The following ITGAE variants were observed in gnomAD, a reference collection of about 807,000 sequenced individuals.
The protein encoded by ITGAE is integrin alpha-E.
Under a neutral mutation model 136.5 loss-of-function variants are expected in ITGAE, and 99 were observed. The ratio of observed to expected loss-of-function variants is 0.73; its 90% confidence interval spans 0.62 to 0.86. ITGAE has a LOEUF of 0.86. Ranked by LOEUF, ITGAE falls within the 40% of genes least tolerant of loss-of-function variation. The pLI is 0.00. For missense variants in ITGAE, 1,447 were observed against 1,515.3 expected (o/e 0.95, Z 0.75); for synonymous variants, 613 against 591.8 (o/e 1.04, Z -0.52).
At chr17:3,730,948 G>A (rs1055360185) in intron 23 of ITGAE, among the ~76,000 whole-genome samples, 156 bp downstream of exon 23, 1 of 152,156 alleles carries the variant, frequency 6.6e-6, no homozygotes, top group Non-Finnish European at 1.5e-5. Flanking sequence ...AGAGAAAGTC[G>A]AGTCCCTGCA....
intron 2 of ITGAE, 104 bp from the exon 3 acceptor site, chr17:3,764,064 CCCTGTCTGG>C (rs770467711): frequency 1.4e-4 from 104 of 744,346 alleles, no homozygotes; most frequent in Non-Finnish European, 1.9e-4. Context: ...CTCACAAGCT[CCCTGTCTGG>C]CCGGCAGATT....
At chr17:3,780,337 T>C (rs963691015) in intron 1 of ITGAE, among the ~76,000 whole-genome samples, 3 of 152,140 alleles carry the variant, frequency 2.0e-5, no homozygotes, top group African/African-American at 7.2e-5. Flanking sequence ...TAATTTTTTG[T>C]ATTTTTAGTA....
chr17:3,774,044 G>A (rs1290250520), intron 2 of ITGAE, among the ~76,000 whole-genome samples: 3 of 152,134 alleles, frequency 2.0e-5, no homozygotes, highest in Non-Finnish European at 4.4e-5. Context: ...AGTCTGCCTG[G>A]CTGTCAGGGT....
intron 24 of ITGAE, 71 bp from the exon 25 acceptor site, chr17:3,728,239 T>A (rs2051260505): frequency 8.4e-7 from 1 of 1,195,300 alleles, no homozygotes; most frequent in South Asian, 1.2e-5. Context: ...GGTCTCACTC[T>A]GTTGCCCAGG....
At chr17:3,726,133 G>A in intron 26 of ITGAE, 1 of 1,614,132 alleles carries the variant, frequency 6.2e-7, no homozygotes, top group Non-Finnish European at 8.5e-7. Flanking sequence ...AACAACCGCT[G>A]GGGTGAATAT....
At chr17:3,732,241 A>C (rs979410316) in intron 22 of ITGAE, 127 bp downstream of exon 22, 2 of 741,316 alleles carry the variant, frequency 2.7e-6, no homozygotes, top group East Asian at 2.5e-5. Flanking sequence ...CACTGTAAGC[A>C]CTGCTGGGGA....
intron 1 of ITGAE, among the ~76,000 whole-genome samples, chr17:3,786,857 T>TCCAG (rs2052810622): frequency 8.0e-6 from 1 of 124,366 alleles, no homozygotes; most frequent in Non-Finnish European, 1.6e-5. Context: ...GCCACTGCAC[T>TCCAG]CCAGCCTGGT....
chr17:3,767,185 C>T (rs1468039359), intron 2 of ITGAE, among the ~76,000 whole-genome samples: 1 of 152,108 alleles, frequency 6.6e-6, no homozygotes, highest in Admixed American at 6.6e-5. Context: ...CAACCTCCAC[C>T]TCCTGGGTTC....
intron 22 of ITGAE, among the ~76,000 whole-genome samples, chr17:3,731,406 A>C (rs1422722042): frequency 1.4e-5 from 2 of 141,666 alleles, no homozygotes; most frequent in African/African-American, 5.3e-5. Flanking sequence ...CAATGGTGTG[A>C]TCTCAGCTCA....
chr17:3,729,345 T>G (rs1368589897), intron 24 of ITGAE, 133 bp downstream of exon 24: 1 of 713,088 alleles, frequency 1.4e-6, no homozygotes, highest in Non-Finnish European at 2.6e-6. Context: ...AGAGCCTGGG[T>G]TCTAAGCAGG....
At chr17:3,731,423 C>A (rs2143010658) in intron 22 of ITGAE, among the ~76,000 whole-genome samples, 1 of 150,618 alleles carries the variant, frequency 6.6e-6, no homozygotes, top group Middle Eastern at 3.4e-3. Flanking sequence ...CTCACTGCAA[C>A]CTCTGCCTCC....
chr17:3,796,170 C>CATGTGTGTGTGTGT (rs2053095672), intron 1 of ITGAE, among the ~76,000 whole-genome samples: 2 of 126,932 alleles, frequency 1.6e-5, no homozygotes, highest in Non-Finnish European at 3.3e-5. Context: ...TGTGTGCATC[C>CATGTGTGTGTGTGT]GTGTGTGTGT....
intron 1 of ITGAE, among the ~76,000 whole-genome samples, chr17:3,791,287 C>T (rs1018156861): frequency 2.6e-5 from 4 of 151,598 alleles, no homozygotes; most frequent in Non-Finnish European, 5.9e-5. Flanking sequence ...AAAATGTCCA[C>T]GTTCTTTATT....
intron 2 of ITGAE, among the ~76,000 whole-genome samples, chr17:3,768,236 C>T (rs992073031): frequency 1.3e-5 from 2 of 152,100 alleles, no homozygotes; most frequent in Non-Finnish European, 2.9e-5. Context: ...GCGATCCTCC[C>T]ACCTCAGTCT....
intron 21 of ITGAE, among the ~76,000 whole-genome samples, chr17:3,734,350 G>A (rs1175171603): frequency 6.6e-6 from 1 of 152,202 alleles, no homozygotes; most frequent in Non-Finnish European, 1.5e-5. Flanking sequence ...TGGGATTACA[G>A]GTGTGAGCCA....
chr17:3,751,613 C>T, intron 15 of ITGAE, 37 bp downstream of exon 15: 1 of 1,577,862 alleles, frequency 6.3e-7, no homozygotes, highest in Non-Finnish European at 8.7e-7. Context: ...GAGGTCAGAG[C>T]CCCAGAGGAG....
intron 1 of ITGAE, among the ~76,000 whole-genome samples, chr17:3,791,694 A>G (rs181249121): frequency 2.6e-4 from 40 of 152,288 alleles, no homozygotes; most frequent in African/African-American, 9.4e-4. Context: ...GAGTCATCGG[A>G]GATCTTGTTA....
intron 2 of ITGAE, 72 bp downstream of exon 2, chr17:3,777,468 T>C (rs922249292): frequency 2.9e-5 from 45 of 1,526,334 alleles, no homozygotes; most frequent in Non-Finnish European, 3.4e-5. Flanking sequence ...GCCATGGCCG[T>C]CTCTGGGGCC....
intron 26 of ITGAE, chr17:3,724,164 A>AGGC (rs1567756031): frequency 2.5e-6 from 4 of 1,593,650 alleles, no homozygotes; most frequent in Non-Finnish European, 3.4e-6. Context: ...CAGCCCGGTG[A>AGGC]GGCGGCGGCG....
Sources: allele counts gnomAD v4.1 joint callset (sites outside exome capture counted in the v4.1 genomes callset), GRCh38; gene constraint gnomAD v4.1.1; transcripts MANE v1.5; gene names NCBI Gene and HGNC (gene_info 2026-07-23, HGNC 2026-07-21).